CWC27: variants seen among roughly 807,000 people sequenced by gnomAD.
CWC27 encodes the protein spliceosome-associated protein CWC27 homolog.
Under a neutral mutation model 63.6 loss-of-function variants are expected in CWC27, and 47 were observed. The observed-to-expected ratio is 0.74, with a 90% confidence interval of 0.58 to 0.94. CWC27 has a LOEUF of 0.94. Ranked by LOEUF, CWC27 falls within the 40% of genes least tolerant of loss-of-function variation. The pLI, the probability that CWC27 is intolerant of heterozygous loss-of-function variation, is 0.00. For missense variants in CWC27, 495 were observed against 554.3 expected (o/e 0.89, Z 1.07); for synonymous variants, 175 against 179.8 (o/e 0.97, Z 0.22).
chr5:64,841,450 CAT>C (rs1164381108), intron 10 of CWC27, among the ~76,000 whole-genome samples: 1 of 152,170 alleles, frequency 6.6e-6, no homozygotes, highest in Non-Finnish European at 1.5e-5. Flanking sequence ...ACATTTAAAA[CAT>C]AGCACTGTTC....
chr5:64,904,942 T>G (rs905508622), intron 11 of CWC27, among the ~76,000 whole-genome samples: 7 of 152,200 alleles, frequency 4.6e-5, no homozygotes, highest in Non-Finnish European at 2.9e-5. Flanking sequence ...GGCTCATGCC[T>G]GTAATCCCAG....
chr5:64,825,527 T>C (rs1267131556), intron 10 of CWC27, among the ~76,000 whole-genome samples: 2 of 152,202 alleles, frequency 1.3e-5, no homozygotes, highest in East Asian at 1.9e-4. Flanking sequence ...TCCTTTTTTC[T>C]ACTTATTTAA....
chr5:64,939,163 G>GT (rs1265550392), intron 11 of CWC27, among the ~76,000 whole-genome samples: 1 of 152,156 alleles, frequency 6.6e-6, no homozygotes, highest in African/African-American at 2.4e-5. Context: ...GCGAGAAGTT[G>GT]TGATCCTTTG....
chr5:64,897,834 A>C (rs984963177), intron 11 of CWC27, among the ~76,000 whole-genome samples: 1 of 152,216 alleles, frequency 6.6e-6, no homozygotes, highest in Admixed American at 6.5e-5. Flanking sequence ...ACTTCAGTTT[A>C]CCAGGAAAAT....
At chr5:64,938,842 T>C (rs1748414847) in intron 11 of CWC27, among the ~76,000 whole-genome samples, 1 of 152,200 alleles carries the variant, frequency 6.6e-6, no homozygotes, top group African/African-American at 2.4e-5. Context: ...CTTCACGCTT[T>C]ATTTCATTAA....
intron 10 of CWC27, among the ~76,000 whole-genome samples, chr5:64,883,021 C>G (rs1451353537): frequency 6.6e-6 from 1 of 152,206 alleles, no homozygotes; most frequent in Non-Finnish European, 1.5e-5. Context: ...GTTTAATTGA[C>G]TCACAGTTCT....
intron 11 of CWC27, among the ~76,000 whole-genome samples, chr5:64,890,356 T>C (rs1747201161): frequency 6.6e-6 from 1 of 152,180 alleles, no homozygotes; most frequent in South Asian, 2.1e-4. Context: ...GTTGTGAAAG[T>C]ATATAGTTTT....
intron 11 of CWC27, among the ~76,000 whole-genome samples, chr5:64,937,921 C>CTTTTTTTTTTTTTTTTTTTTT (rs1211082437): frequency 5.0e-5 from 5 of 99,304 alleles, no homozygotes; most frequent in African/African-American, 1.8e-4. Flanking sequence ...GCAATCTCTG[C>CTTTTTTTTTTTTTTTTTTTTT]TTTTTTTTTT....
At chr5:65,011,468 A>G (rs543673322) in intron 13 of CWC27, among the ~76,000 whole-genome samples, 46 of 152,356 alleles carry the variant, frequency 3.0e-4, no homozygotes, top group East Asian at 1.7e-3. Context: ...TATAGTGTAT[A>G]TAGAGGCAGC....
intron 11 of CWC27, among the ~76,000 whole-genome samples, chr5:64,968,261 T>C (rs1435493042): frequency 1.3e-5 from 2 of 151,990 alleles, no homozygotes; most frequent in Admixed American, 6.6e-5. Context: ...CAACTCAACC[T>C]CTCCTATATT....
chr5:64,822,459 G>T (rs566622003), intron 10 of CWC27, among the ~76,000 whole-genome samples: 1 of 152,184 alleles, frequency 6.6e-6, no homozygotes, highest in Non-Finnish European at 1.5e-5. Context: ...TTAATTTTAG[G>T]CCTTGAAGAA....
At chr5:64,862,399 CAT>C (rs1746432760) in intron 10 of CWC27, among the ~76,000 whole-genome samples, 1 of 152,176 alleles carries the variant, frequency 6.6e-6, no homozygotes, top group Non-Finnish European at 1.5e-5. Context: ...AGAAAACACT[CAT>C]ATACTTATCA....
At chr5:64,915,799 T>C (rs1039983578) in intron 11 of CWC27, among the ~76,000 whole-genome samples, 1 of 152,152 alleles carries the variant, frequency 6.6e-6, no homozygotes, top group Non-Finnish European at 1.5e-5. Context: ...CTTTAATTCT[T>C]ACCCAAAAAC....
chr5:64,769,259 G>T (rs1006053202), intron 1 of CWC27, 71 bp downstream of exon 1: 1 of 1,429,734 alleles, frequency 7.0e-7, no homozygotes. Context: ...TTGGGGTGGG[G>T]AGTGGGTTTC....
At chr5:64,887,607 A>T (rs1438237174) in intron 11 of CWC27, among the ~76,000 whole-genome samples, 1 of 152,152 alleles carries the variant, frequency 6.6e-6, no homozygotes, top group Non-Finnish European at 1.5e-5. Context: ...ACCTCAGGTG[A>T]TCTGCCTGCC....
chr5:65,018,054 T>G, intron 13 of CWC27, 105 bp from the exon 14 acceptor site: 2 of 1,010,156 alleles, frequency 2.0e-6, no homozygotes, highest in Non-Finnish European at 2.8e-6. Flanking sequence ...CCCATCTTGG[T>G]GTTCTGTATG....
intron 13 of CWC27, among the ~76,000 whole-genome samples, chr5:64,986,002 C>T (rs902900455): frequency 5.3e-5 from 8 of 152,066 alleles, no homozygotes; most frequent in South Asian, 2.1e-4. Flanking sequence ...TGGTTTCCCC[C>T]ATGCTGTTCT....
chr5:64,943,011 C>T (rs1459211245), intron 11 of CWC27, among the ~76,000 whole-genome samples: 1 of 152,004 alleles, frequency 6.6e-6, no homozygotes, highest in Non-Finnish European at 1.5e-5. Flanking sequence ...TGGCATGGAA[C>T]ATAGAAATAT....
intron 10 of CWC27, among the ~76,000 whole-genome samples, chr5:64,819,852 A>C (rs948092187): frequency 6.6e-6 from 1 of 152,236 alleles, no homozygotes; most frequent in African/African-American, 2.4e-5. Flanking sequence ...AAGGATGGTT[A>C]AATTGCAGCA....
Sources: gnomAD v4.1 joint callset for allele counts (sites outside exome capture counted in the v4.1 genomes callset) on GRCh38, gnomAD v4.1.1 for gene constraint, MANE v1.5 for transcripts, NCBI Gene and HGNC (gene_info 2026-07-23, HGNC 2026-07-21) for gene names.